Variants in DRICH1 observed in about 807,000 individuals in gnomAD.
The protein encoded by DRICH1 is aspartate-rich protein 1.
Under a neutral mutation model 39.5 loss-of-function variants are expected in DRICH1, and 38 were observed. The observed-to-expected ratio is 0.96, with a 90% CI of 0.74 to 1.26. The LOEUF is 1.26. Ranked by LOEUF, DRICH1 falls within the 50% of genes most tolerant of loss-of-function variation. DRICH1 has a pLI of 0.00. For missense variants in DRICH1, 279 were observed against 270.4 expected, an observed-to-expected ratio of 1.03 and a Z score of -0.22; for synonymous variants, 84 against 99.5, an observed-to-expected ratio of 0.84 and a Z score of 0.93.
At chr22:23,593,108 A>G in the DRICH1 span, among the ~76,000 whole-genome samples, 1 of 152,146 alleles carries the variant, frequency 6.6e-6, no homozygotes, top group Non-Finnish European at 1.5e-5. Flanking sequence ...CCTTAAAACC[A>G]TCTTAAATAC....
chr22:23,601,964 G>A, the DRICH1 span, among the ~76,000 whole-genome samples: 23 of 150,958 alleles, frequency 1.5e-4, no homozygotes, highest in African/African-American at 5.6e-4. Context: ...CACTGTGGGA[G>A]GCTGAGAGCA....
the DRICH1 span, chr22:23,583,234 C>T: frequency 6.6e-6 from 1 of 152,188 alleles, no homozygotes; most frequent in Non-Finnish European, 1.5e-5. Context: ...AACACCTGGC[C>T]CAGCTGTCAA....
At chr22:23,586,470 C>G in the DRICH1 span, among the ~76,000 whole-genome samples, 1 of 152,218 alleles carries the variant, frequency 6.6e-6, no homozygotes, top group Non-Finnish European at 1.5e-5. Flanking sequence ...GCCTGGGCAA[C>G]AGTGTGAGAC....
downstream of DRICH1, among the ~76,000 whole-genome samples, chr22:23,605,992 T>C (rs1296138249): frequency 6.6e-6 from 1 of 151,012 alleles, no homozygotes. Context: ...GAGAATCGCT[T>C]GAACCTGGGA....
At chr22:23,604,116 C>T (rs1172356094), downstream of DRICH1, among the ~76,000 whole-genome samples, 2 of 152,156 alleles carry the variant, frequency 1.3e-5, no homozygotes, top group Non-Finnish European at 2.9e-5. Context: ...ATTCACACCC[C>T]TGCCCACCCA....
At position 23,623,197 on chromosome 22, in the gene DRICH1, A is replaced by G. The variant is rs1389843944; in HGVS notation, c.299-1021T>C. ...TGAGGCGGGCAGATCACGACATCAA[A>G]AGATTGAGACCATCCCGGCCAACAT... On this transcript the variant is annotated intron_variant, in intron 3 of 11. Coordinates refer to ENST00000317749, the MANE Select transcript of DRICH1 (RefSeq NM_016449.4). Among the ~76,000 whole-genome samples the G allele has an allele frequency of 4.6e-5, 7 of 152,112 alleles. No individual in the cohort carries two copies. The South Asian group carries it at 1.0e-3, about 23-fold the overall frequency.
At chr22:23,612,311 C>CA (rs1927078714) in intron 11 of DRICH1, among the ~76,000 whole-genome samples, 1 of 151,402 alleles carries the variant, frequency 6.6e-6, no homozygotes, top group African/African-American at 2.4e-5. Context: ...ACCAAAAATA[C>CA]AAAAAATTAG....
At chr22:23,588,774 G>A in the DRICH1 span, among the ~76,000 whole-genome samples, 1 of 152,102 alleles carries the variant, frequency 6.6e-6, no homozygotes, top group Non-Finnish European at 1.5e-5. Context: ...TCTGCCACCC[G>A]GGTATCTCAC....
chr22:23,588,937 C>T, the DRICH1 span, among the ~76,000 whole-genome samples: 1 of 152,134 alleles, frequency 6.6e-6, no homozygotes, highest in African/African-American at 2.4e-5. Flanking sequence ...ACCAGATTAA[C>T]CTCCAAATAA....
In DRICH1 at chr22:23,608,767, C is replaced by A. The variant is rs1926873589; in HGVS notation, c.687G>T (p.Gly229=). Residue 229 remains glycine, a splice_region_variant and synonymous_variant, in exon 12 of 12, where the codon GGG becomes GGT. Transcript: ENST00000317749. The part of the protein sequence containing the change: ...ESLSDEEIHP[G] ...TGGTCAGCTCCACAGAAGGGCTTCA[C>A]CCTGGATGAAGAGATAATCCCTTTT... 1.3e-6 allele frequency: 2 copies of A among 1,560,600 alleles called. No homozygotes were observed. Among genetic ancestry groups the A allele is most frequent in the Non-Finnish European group, 1.7e-6 (2 of 1,150,894 alleles).
At chr22:23,592,081 T>A in the DRICH1 span, among the ~76,000 whole-genome samples, 1 of 152,202 alleles carries the variant, frequency 6.6e-6, no homozygotes, top group Non-Finnish European at 1.5e-5. Context: ...GCGGAAGGCA[T>A]GTTCAGGGAA....
chr22:23,582,169 G>A, the DRICH1 span, among the ~76,000 whole-genome samples: 3 of 150,298 alleles, frequency 2.0e-5, no homozygotes, highest in Admixed American at 6.6e-5. Flanking sequence ...AGTAGAGATG[G>A]GGTTTCAGCA....
At chr22:23,627,617 A>G (rs1928145371) in intron 1 of DRICH1, among the ~76,000 whole-genome samples, 1 of 152,186 alleles carries the variant, frequency 6.6e-6, no homozygotes, top group Admixed American at 6.5e-5. Context: ...TGAGAACAAC[A>G]TCCAGGTCCA....
At chr22:23,595,114 T>G in the DRICH1 span, among the ~76,000 whole-genome samples, 1 of 145,148 alleles carries the variant, frequency 6.9e-6, no homozygotes, top group Non-Finnish European at 1.5e-5. Flanking sequence ...GGGTGGAGGG[T>G]GAGGAGAGGG....
chr22:23,622,746 C>T (rs2123786886), intron 3 of DRICH1, among the ~76,000 whole-genome samples: 1 of 122,808 alleles, frequency 8.1e-6, no homozygotes, highest in Non-Finnish European at 1.8e-5. Context: ...AAGTCTTCTT[C>T]TGGAATAATG....
rs765372652 is a variant in DRICH1, at chr22:23,613,258, A to G, written c.685+31T>C. On this transcript the variant is annotated intron_variant, in intron 11 of 11. Coordinates refer to ENST00000317749, the MANE Select transcript of DRICH1 (RefSeq NM_016449.4). ...TGGAGGCTCCTGGGAACCTTTTCCCATTGGGTTTTTGCTGGCACGTAGTTC... is the reference window on the plus strand; with the variant it reads ...TGGAGGCTCCTGGGAACCTTTTCCCGTTGGGTTTTTGCTGGCACGTAGTTC... The G allele has an allele frequency of 4.8e-5, 76 of 1,591,734 alleles. No homozygotes were observed. In the Middle Eastern group the frequency reaches 8.4e-4, roughly 18 times the overall value.
intron 5 of DRICH1, among the ~76,000 whole-genome samples, 177 bp downstream of exon 5, chr22:23,620,417 C>A (rs535635766): frequency 7.2e-5 from 11 of 152,124 alleles, no homozygotes; most frequent in Non-Finnish European, 1.2e-4. Context: ...AAATCTCCTG[C>A]TTGGTCCTCT....
chr22:23,617,712 C>T, intron 6 of DRICH1, 55 bp from the exon 7 acceptor site: 1 of 1,559,918 alleles, frequency 6.4e-7, no homozygotes, highest in Non-Finnish European at 8.8e-7. Flanking sequence ...CTGTGAGTCA[C>T]TCAGGGAGCT....
chr22:23,609,112 T>C (rs1926892515), intron 11 of DRICH1, among the ~76,000 whole-genome samples: 1 of 152,118 alleles, frequency 6.6e-6, no homozygotes, highest in South Asian at 2.1e-4. Context: ...AACTGGTCAT[T>C]CAACTGTAGC....
Sources: allele counts gnomAD v4.1 joint callset (sites outside exome capture counted in the v4.1 genomes callset), GRCh38; gene constraint gnomAD v4.1.1; transcripts MANE v1.5; gene names NCBI Gene and HGNC (gene_info 2026-07-23, HGNC 2026-07-21).